The following VPS13B variants were observed in gnomAD, a reference collection of about 807,000 sequenced individuals.
VPS13B encodes vacuolar protein sorting 13 homolog B.
Under a neutral mutation model 426.4 loss-of-function variants are expected in VPS13B, and 285 were observed. That is an observed-to-expected ratio of 0.67 (90% CI 0.61 to 0.74). The LOEUF is 0.74. VPS13B is among the 30% of genes least tolerant of loss of function. The pLI is 0.00. For missense variants in VPS13B, 4,537 were observed against 4,782.6 expected, an observed-to-expected ratio of 0.95 and a Z score of 1.51; for synonymous variants, 1,676 against 1,676.4, an observed-to-expected ratio of 1.00 and a Z score of 0.01.
intron 17 of VPS13B, among the ~76,000 whole-genome samples, chr8:99,210,345 A>G (rs1815005383): frequency 6.6e-6 from 1 of 152,156 alleles, no homozygotes; most frequent in African/African-American, 2.4e-5. Flanking sequence ...CTATATTCTC[A>G]AACACATCTC....
intron 51 of VPS13B, among the ~76,000 whole-genome samples, chr8:99,828,394 G>GTTTTGTTTTTTTTTTTT (rs1814832334): frequency 5.7e-5 from 1 of 17,424 alleles, no homozygotes; most frequent in African/African-American, 2.4e-4. Flanking sequence ...TACAACCACC[G>GTTTTGTTTTTTTTTTTT]TTTTTTTTTT....
At chr8:99,690,722 T>C (rs1412733018) in intron 35 of VPS13B, among the ~76,000 whole-genome samples, 1 of 152,080 alleles carries the variant, frequency 6.6e-6, no homozygotes, top group African/African-American at 2.4e-5. Context: ...TAGATATTTC[T>C]CCAAGAATAT....
intron 23 of VPS13B, among the ~76,000 whole-genome samples, chr8:99,448,081 T>A (rs1818012621): frequency 6.6e-6 from 1 of 151,542 alleles, no homozygotes; most frequent in Non-Finnish European, 1.5e-5. Context: ...GTCTCCATCT[T>A]TAAAGCATAA....
rs1296198571 is a variant in VPS13B at position 99,391,673 on chromosome 8, C to T, written c.3051C>T (p.Ala1017=). 5.0e-6 allele frequency: 8 copies of T among 1,613,908 alleles called. No homozygotes were observed. Among genetic ancestry groups the T allele is most frequent in the Non-Finnish European group, 6.8e-6 (8 of 1,179,930 alleles). ...AATCATATCAGGCCTCTGAATATGC[C>T]AGCAGCCCTGTAAAAACAAAAACGG... ...KQQSYQASEY[A]SSPVKTKTVT... is the part of the protein sequence containing the mutation. The change falls in exon 21 of 62, where the codon GCC becomes GCT. Residue 1017 remains alanine, a synonymous_variant. Coordinates refer to ENST00000357162, the MANE Select transcript of VPS13B (RefSeq NM_152564.5).
chr8:99,482,041 A>G (rs1820064324), intron 25 of VPS13B, among the ~76,000 whole-genome samples: 1 of 152,156 alleles, frequency 6.6e-6, no homozygotes, highest in African/African-American at 2.4e-5. Flanking sequence ...TGAAATGGTG[A>G]AAACTGAGAC....
chr8:99,831,076 C>CT lies in VPS13B; in HGVS notation c.9331-1279dup, dbSNP rs773817774. On this transcript the variant is annotated intron_variant, in intron 51 of 61. Coordinates refer to ENST00000357162, the MANE Select transcript of VPS13B (RefSeq NM_152564.5). ...CTTGCCCGGGAATTGGTGTTTTTTT[C>CT]TTTTTTTTTTTTTTGAGATAGAGTC... is the stretch of plus-strand genomic sequence containing the variant. Among the ~76,000 whole-genome samples the CT allele has an allele frequency of 4.6e-3, 548 of 120,070 alleles. 15 individuals are homozygous for CT. The highest frequency in any genetic ancestry group is 6.3e-3 in the Non-Finnish European group (370 of 59,200). 78.8% of individuals were successfully genotyped at this position (120,070 alleles called of 152,430 possible).
chr8:99,054,614 A>G (rs916275211), intron 3 of VPS13B, among the ~76,000 whole-genome samples: 4 of 152,218 alleles, frequency 2.6e-5, no homozygotes, highest in Non-Finnish European at 5.9e-5. Flanking sequence ...TTTCGGTGTT[A>G]TATCTAAGAG....
At chr8:99,599,314 T>G (rs1300050706) in intron 33 of VPS13B, among the ~76,000 whole-genome samples, 1 of 152,050 alleles carries the variant, frequency 6.6e-6, no homozygotes, top group Non-Finnish European at 1.5e-5. Context: ...TGCTAAATTA[T>G]GTCATCTCTC....
chr8:99,782,136 G>A (rs1812053558), intron 42 of VPS13B, among the ~76,000 whole-genome samples: 2 of 152,006 alleles, frequency 1.3e-5, no homozygotes, highest in Non-Finnish European at 1.5e-5. Flanking sequence ...TAAAATTAAA[G>A]ATTTTTAAAA....
intron 19 of VPS13B, among the ~76,000 whole-genome samples, chr8:99,349,580 C>T (rs942327713): frequency 6.6e-6 from 1 of 152,058 alleles, no homozygotes; most frequent in Non-Finnish European, 1.5e-5. Flanking sequence ...ATGTTTGGGA[C>T]ACGCTTTTAT....
intron 5 of VPS13B, among the ~76,000 whole-genome samples, chr8:99,103,384 C>T (rs1002439126): frequency 6.6e-6 from 1 of 151,940 alleles, no homozygotes; most frequent in East Asian, 1.9e-4. Flanking sequence ...GGCTGGAGTG[C>T]AGTGGTGTGA....
rs545075996 is a variant in VPS13B, at chr8:99,224,253, TG to T, written c.2515+31197del. Among the ~76,000 whole-genome samples, 465 of 152,350 alleles carry T rather than the reference TG, an allele frequency of 3.1e-3. 4 individuals are homozygous for T. Among genetic ancestry groups the T allele is most frequent in the Middle Eastern group, 6.8e-3 (2 of 294 alleles). On this transcript the variant is annotated intron_variant, in intron 17 of 61. Coordinates refer to ENST00000357162, the MANE Select transcript of VPS13B (RefSeq NM_152564.5). ...AAAAATAAAATCTTGAATGTGTTCA[TG>T]TAGTGGGAAAAGAATACTTCATAGA...
intron 24 of VPS13B, 75 bp downstream of exon 24, chr8:99,467,709 G>A: frequency 6.8e-7 from 1 of 1,473,774 alleles, no homozygotes; most frequent in South Asian, 1.1e-5. Context: ...TTTTGTTGAA[G>A]GGTTTCTCTT....
At chr8:99,664,761 A>G (rs1042830192) in intron 35 of VPS13B, among the ~76,000 whole-genome samples, 15 of 152,322 alleles carry the variant, frequency 9.8e-5, no homozygotes, top group African/African-American at 3.6e-4. Context: ...TATTGTGAAT[A>G]GTGCCGCAAT....
chr8:99,310,351 C>T (rs377733233), intron 19 of VPS13B, among the ~76,000 whole-genome samples: 11 of 152,196 alleles, frequency 7.2e-5, no homozygotes, highest in Admixed American at 4.6e-4. Flanking sequence ...TTTTGAGATA[C>T]GTCCCATCAA....
chr8:99,372,165 G>C (rs1813220551), intron 19 of VPS13B, among the ~76,000 whole-genome samples: 2 of 151,112 alleles, frequency 1.3e-5, no homozygotes, highest in South Asian at 2.1e-4. Flanking sequence ...GCAGGAGAAT[G>C]GCGTGAACCC....
At chr8:99,566,458 T>G (rs202041341) in intron 31 of VPS13B, among the ~76,000 whole-genome samples, 7 of 147,500 alleles carry the variant, frequency 4.7e-5, no homozygotes, top group Admixed American at 2.1e-4. Context: ...TTTTTTTTTT[T>G]GAGATGGAGT....
intron 19 of VPS13B, among the ~76,000 whole-genome samples, chr8:99,382,083 T>C (rs757837184): frequency 4.6e-5 from 7 of 152,206 alleles, no homozygotes; most frequent in Non-Finnish European, 7.4e-5. Flanking sequence ...GCGTAGGGAA[T>C]CCTTTTCCCC....
At chr8:99,242,184 T>C (rs1328586812) in intron 17 of VPS13B, among the ~76,000 whole-genome samples, 1 of 152,170 alleles carries the variant, frequency 6.6e-6, no homozygotes, top group Non-Finnish European at 1.5e-5. Flanking sequence ...GGTTTCACCA[T>C]GTTGGCCAGG....
Sources: allele counts gnomAD v4.1 joint callset (sites outside exome capture counted in the v4.1 genomes callset), GRCh38; gene constraint gnomAD v4.1.1; transcripts MANE v1.5; gene names NCBI Gene and HGNC (gene_info 2026-07-23, HGNC 2026-07-21).